The following MTAP variants were observed in gnomAD, a reference collection of about 807,000 sequenced individuals.
The protein encoded by MTAP is S-methyl-5'-thioadenosine phosphorylase.
In MTAP, 33 loss-of-function variants were observed where a neutral mutation model predicts 33.6. The observed-to-expected ratio is 0.98, with a 90% CI of 0.74 to 1.31. MTAP has a LOEUF of 1.31. Ranked by LOEUF, MTAP falls within the 40% of genes most tolerant of loss-of-function variation. The pLI, the probability that MTAP is intolerant of heterozygous loss-of-function variation, is 0.00. For missense variants in MTAP, 367 were observed against 360.0 expected (o/e 1.02, Z -0.16); for synonymous variants, 148 against 125.7 (o/e 1.18, Z -1.19).
chr9:21,910,227 G>C (rs533250342), intron 1 of MTAP, among the ~76,000 whole-genome samples: 18 of 151,910 alleles, frequency 1.2e-4, no homozygotes, highest in African/African-American at 3.9e-4. Context: ...GTTCTAAGTA[G>C]ATAAGATACA....
rs975579201 is a variant in MTAP at position 21,865,011 on chromosome 9, A to G, written c.*2997A>G. 1.0e-5 allele frequency: 10 copies of G among 985,374 alleles called. No individual in the cohort carries two copies. Among genetic ancestry groups the G allele is most frequent in the Middle Eastern group, 5.2e-4 (1 of 1,936 alleles). The allele number at this position is 985,374 out of a possible 1,614,324, so 61.0% of individuals were successfully genotyped here. A position where few individuals can be genotyped will look rare whatever the true frequency, so the allele number is the denominator to read the frequency against. On this transcript the variant is annotated 3_prime_UTR_variant, in exon 8 of 8. Transcript: ENST00000644715. ...ACAATTTGATAAGGTTTCAAGGAGTATCTGATGGGTTAGGAAGTCACGAAA... is the reference window on the plus strand; with the variant it reads ...ACAATTTGATAAGGTTTCAAGGAGTGTCTGATGGGTTAGGAAGTCACGAAA...
At chr9:21,825,097 C>T (rs1824755707) in intron 4 of MTAP, among the ~76,000 whole-genome samples, 1 of 152,152 alleles carries the variant, frequency 6.6e-6, no homozygotes. Context: ...CGATGGGCTG[C>T]ACCCGCTCTC....
chr9:21,911,461 C>G (rs1448746049), intron 1 of MTAP, among the ~76,000 whole-genome samples: 1 of 152,146 alleles, frequency 6.6e-6, no homozygotes, highest in Admixed American at 6.5e-5. Context: ...AACTAGAACT[C>G]AGGATTAAGA....
In MTAP at chr9:21,864,454, G is replaced by A. The variant is rs1478091921; in HGVS notation, c.*2440G>A. The A allele has an allele frequency of 3.0e-6, 3 of 985,292 alleles. No homozygotes were observed. Among genetic ancestry groups the A allele is most frequent in the South Asian group, 4.7e-5 (1 of 21,284 alleles). 61.0% of individuals were successfully genotyped at this position (985,292 alleles called of 1,614,324 possible). ...GGATGGTGAGCATCATGGGAAAGCT[G>A]TAGTTTAGTGACTTAGCCCTTAGTG... On this transcript the variant is annotated 3_prime_UTR_variant, in exon 8 of 8. Coordinates refer to ENST00000644715, the MANE Select transcript of MTAP (RefSeq NM_002451.4).
chr9:21,814,886 G>C (rs183802310), intron 1 of MTAP, among the ~76,000 whole-genome samples: 1 of 152,220 alleles, frequency 6.6e-6, no homozygotes, highest in East Asian at 1.9e-4. Flanking sequence ...AGTCTCCTCT[G>C]TCTGCATTCT....
chr9:21,873,505 C>A (rs1410936757), intron 1 of MTAP, among the ~76,000 whole-genome samples: 1 of 152,066 alleles, frequency 6.6e-6, no homozygotes, highest in African/African-American at 2.4e-5. Flanking sequence ...TCTTTTGCCC[C>A]TTCTGCCATG....
At chr9:21,859,102 A>T in intron 6 of MTAP, 2 of 555,134 alleles carry the variant, frequency 3.6e-6, no homozygotes, top group Non-Finnish European at 3.0e-6. Context: ...AATCCTATCC[A>T]CGAGGACTCT....
chr9:21,857,826 G>GT (rs898175375), intron 6 of MTAP, among the ~76,000 whole-genome samples: 19 of 152,002 alleles, frequency 1.2e-4, no homozygotes, highest in African/African-American at 4.6e-4. Flanking sequence ...TATTCTTTTG[G>GT]TTGCAAGCTT....
intron 1 of MTAP, among the ~76,000 whole-genome samples, chr9:21,813,090 A>C (rs892068517): frequency 4.6e-5 from 7 of 152,242 alleles, no homozygotes; most frequent in African/African-American, 1.7e-4. Flanking sequence ...TAGAGACTCA[A>C]AGGAATGTGG....
chr9:21,928,779 A>G (rs912236144), intron 1 of MTAP, among the ~76,000 whole-genome samples: 11 of 152,000 alleles, frequency 7.2e-5, no homozygotes, highest in Non-Finnish European at 1.0e-4. Flanking sequence ...TGGACCTCTT[A>G]CCTTTAACCC....
chr9:21,873,752 G>A lies in MTAP; in HGVS notation c.147+18882G>A, dbSNP rs779413405. Among the ~76,000 whole-genome samples, 9 of 152,022 alleles carry A rather than the reference G, an allele frequency of 5.9e-5. No homozygotes were observed. The East Asian group carries it at 1.5e-3, about 26-fold the overall frequency. ...TTTACCTCAATCAGCAATTTAAAAG[G>A]AACAGCTATAGAAGTTGAACAACAG... On this transcript the variant is annotated intron_variant, in intron 1 of 1. Coordinates refer to the MTAP transcript ENST00000577563.
At chr9:21,875,647 G>C (rs1825996317) in intron 1 of MTAP, among the ~76,000 whole-genome samples, 1 of 152,040 alleles carries the variant, frequency 6.6e-6, no homozygotes, top group South Asian at 2.1e-4. Context: ...TGTGGTATTT[G>C]GTTTTCTGTT....
At chr9:21,934,006 A>G (rs184364668), downstream of MTAP, 2 of 152,386 alleles carry the variant, frequency 1.3e-5, no homozygotes, top group East Asian at 3.9e-4. The surrounding 1 kb of genome is among the most constrained non-coding windows in gnomAD (Gnocchi z 5.0). Flanking sequence ...AAAGAAGTTT[A>G]ATTGAGCAAT....
At chr9:21,827,004 G>A (rs1362929934) in intron 4 of MTAP, among the ~76,000 whole-genome samples, 1 of 152,108 alleles carries the variant, frequency 6.6e-6, no homozygotes, top group Admixed American at 6.6e-5. Flanking sequence ...GATCTGAGGT[G>A]GAAGAGTTTC....
intron 1 of MTAP, among the ~76,000 whole-genome samples, chr9:21,920,412 A>G (rs185080836): frequency 6.6e-6 from 1 of 152,280 alleles, no homozygotes; most frequent in Admixed American, 6.5e-5. Context: ...CTCAACCATA[A>G]ACAATTGCAG....
At chr9:21,903,795 C>T (rs1490688045) in intron 1 of MTAP, among the ~76,000 whole-genome samples, 1 of 152,142 alleles carries the variant, frequency 6.6e-6, no homozygotes, top group African/African-American at 2.4e-5. Flanking sequence ...GACCCCATGG[C>T]AGTGTCTAGG....
chr9:21,913,970 G>A (rs1818630689), intron 1 of MTAP, among the ~76,000 whole-genome samples: 1 of 152,130 alleles, frequency 6.6e-6, no homozygotes, highest in Non-Finnish European at 1.5e-5. Flanking sequence ...AGTGGGCAAA[G>A]GATATGAACA....
chr9:21,847,417 T>C (rs997536498), intron 5 of MTAP, among the ~76,000 whole-genome samples: 2 of 152,226 alleles, frequency 1.3e-5, no homozygotes, highest in Non-Finnish European at 2.9e-5. Context: ...GACTGCTTAA[T>C]ATGATTAGAC....
At chr9:21,871,274 A>T (rs1825932794), downstream of MTAP, among the ~76,000 whole-genome samples, 1 of 152,322 alleles carries the variant, frequency 6.6e-6, no homozygotes, top group South Asian at 2.1e-4. Flanking sequence ...CAGCAGCCAC[A>T]CTTGGCTAGT....
Sources: gnomAD v4.1 joint callset for allele counts (sites outside exome capture counted in the v4.1 genomes callset) on GRCh38, gnomAD v4.1.1 for gene constraint, Gnocchi (gnomAD v3.1) non-coding constraint, MANE v1.5 for transcripts, NCBI Gene and HGNC (gene_info 2026-07-23, HGNC 2026-07-21) for gene names.